The following QRSL1 variants were observed in gnomAD, a reference collection of about 807,000 sequenced individuals.
QRSL1 encodes glutamyl-tRNA(Gln) amidotransferase subunit A, mitochondrial.
In QRSL1, 54 loss-of-function variants were observed where a neutral mutation model predicts 61.6. The ratio of observed to expected loss-of-function variants is 0.88; its 90% confidence interval spans 0.70 to 1.10. The LOEUF is 1.10. Ranked by LOEUF, QRSL1 falls within the 50% of genes least tolerant of loss-of-function variation. QRSL1 has a pLI of 0.00. For missense variants in QRSL1, 505 were observed against 622.6 expected (o/e 0.81, Z 2.01); for synonymous variants, 228 against 225.7 (o/e 1.01, Z -0.09).
In QRSL1 at chr6:106,629,811, G is replaced by T. The variant is rs748441740; in HGVS notation, c.24+106G>T. Reference sequence around the variant, plus strand: ...ACCACGCATCTTGGCCCACCTCGCTGCTTCCTCTAGAACTGAGTGGGGGAT... The same window carrying T: ...ACCACGCATCTTGGCCCACCTCGCTTCTTCCTCTAGAACTGAGTGGGGGAT... On this transcript the variant is annotated intron_variant, in intron 1 of 10. Transcript: ENST00000369046. 101 of 1,379,034 alleles carry T rather than the reference G, an allele frequency of 7.3e-5. 1 individual carries two copies. The highest frequency in any genetic ancestry group is 9.2e-5 in the Non-Finnish European group (92 of 995,214). The allele number at this position is 1,379,034 out of a possible 1,614,324, so 85.4% of individuals were successfully genotyped here. A position where few individuals can be genotyped will look rare whatever the true frequency, so the allele number is the denominator to read the frequency against.
intron 5 of QRSL1, 133 bp from the exon 6 acceptor site, chr6:106,652,076 T>C (rs568786890): frequency 1.1e-6 from 1 of 885,672 alleles, no homozygotes; most frequent in Non-Finnish European, 1.7e-6. Flanking sequence ...TTATGAATTC[T>C]CTGAGATGAA....
chr6:106,650,329 ATTTTGT>A lies in QRSL1; in HGVS notation c.557+1129_557+1134del, dbSNP rs1305765101. 1.3e-4 allele frequency among the ~76,000 whole-genome samples: 20 copies of A among 152,328 alleles called. No individual in the cohort carries two copies. In the East Asian group the frequency reaches 3.7e-3, roughly 28 times the overall value. ...TTAAAATTGTGAAAGCAACAGTCTG[ATTTTGT>A]AGCTTAACTTGACACTGTAAGAAAG... On this transcript the variant is annotated intron_variant, in intron 5 of 10. Coordinates refer to ENST00000369046, the MANE Select transcript of QRSL1 (RefSeq NM_018292.5).
In QRSL1 at chr6:106,651,761, T is replaced by C. The variant is rs552243570; in HGVS notation, c.558-448T>C. ...CTGCAAAATTGCCATTAATTTGATT[T>C]GTTTTCAATATCAACATCAGAAGAA... On this transcript the variant is annotated intron_variant, in intron 5 of 10. Coordinates refer to ENST00000369046, the MANE Select transcript of QRSL1 (RefSeq NM_018292.5). Among the ~76,000 whole-genome samples, 18 of 152,338 alleles carry C rather than the reference T, an allele frequency of 1.2e-4. No homozygotes were observed. In the East Asian group the frequency reaches 3.1e-3, roughly 26 times the overall value.
At position 106,629,658 on chromosome 6, in the gene QRSL1, G is replaced by A. The variant is rs778418291; in HGVS notation, c.-24G>A. 38 of 1,600,222 alleles carry A rather than the reference G, an allele frequency of 2.4e-5. No individual in the cohort carries two copies. Among genetic ancestry groups the A allele is most frequent in the Non-Finnish European group, 3.2e-5 (38 of 1,174,236 alleles). ...TTTTTCCCCCTTGCCTGGCTCCTGT[G>A]GTGGCAGGCTGGGCACGAGGACCAT... On this transcript the variant is annotated 5_prime_UTR_variant, in exon 1 of 11. Transcript: ENST00000369046.
At chr6:106,656,890 C>T (rs150441783) in intron 9 of QRSL1, among the ~76,000 whole-genome samples, 16 of 152,294 alleles carry the variant, frequency 1.1e-4, no homozygotes, top group African/African-American at 3.6e-4. Flanking sequence ...CTCCTGGGTT[C>T]GAGCAATCCA....
chr6:106,633,696 G>A (rs981703783), intron 1 of QRSL1, among the ~76,000 whole-genome samples: 3 of 152,162 alleles, frequency 2.0e-5, no homozygotes. Flanking sequence ...GAGGCACCAG[G>A]CTAATATTAT....
At chr6:106,635,728 C>T (rs1232262750) in intron 1 of QRSL1, among the ~76,000 whole-genome samples, 2 of 151,978 alleles carry the variant, frequency 1.3e-5, no homozygotes, top group African/African-American at 4.8e-5. Flanking sequence ...CAAAAATTAT[C>T]CAGGTGGTGG....
intron 9 of QRSL1, 92 bp from the exon 10 acceptor site, chr6:106,662,888 C>A: frequency 8.8e-7 from 1 of 1,130,810 alleles, no homozygotes; most frequent in Non-Finnish European, 1.3e-6. Context: ...AAATGGAAAT[C>A]CAATGGTTCT....
chr6:106,643,876 C>CT lies in QRSL1; in HGVS notation c.380+798dup, dbSNP rs796253115. Among the ~76,000 whole-genome samples the CT allele has an allele frequency of 9.3e-3, 1,332 of 142,496 alleles. 21 individuals are homozygous for CT. The highest frequency in any genetic ancestry group is 0.029 in the African/African-American group (1,147 of 39,098). 93.5% of individuals were successfully genotyped at this position (142,496 alleles called of 152,430 possible). On this transcript the variant is annotated intron_variant, in intron 4 of 10. Coordinates refer to ENST00000369046, the MANE Select transcript of QRSL1 (RefSeq NM_018292.5). ...TTTTCTTTTTTCTCTTCTTTTCATT[C>CT]TTTTTTTTTTTTGAGACAGAGTTTT... is the stretch of plus-strand genomic sequence containing the variant.
At chr6:106,647,579 G>A (rs1397565699) in intron 4 of QRSL1, among the ~76,000 whole-genome samples, 2 of 131,986 alleles carry the variant, frequency 1.5e-5, no homozygotes, top group African/African-American at 5.4e-5. Flanking sequence ...AAAAGAGAGA[G>A]ACAATGATAA....
intron 4 of QRSL1, 22 bp downstream of exon 4, chr6:106,643,112 T>C: frequency 6.8e-7 from 1 of 1,477,358 alleles, no homozygotes; most frequent in East Asian, 2.3e-5. Flanking sequence ...TGAAATCTTC[T>C]CTTGAGTTTC....
At chr6:106,647,857 A>G (rs933700371) in intron 4 of QRSL1, among the ~76,000 whole-genome samples, 2 of 149,188 alleles carry the variant, frequency 1.3e-5, no homozygotes, top group Non-Finnish European at 3.0e-5. Context: ...TCACCGTGTT[A>G]TCCAGGATGG....
At chr6:106,651,096 A>T (rs541302727) in intron 5 of QRSL1, among the ~76,000 whole-genome samples, 1 of 152,160 alleles carries the variant, frequency 6.6e-6, no homozygotes, top group Non-Finnish European at 1.5e-5. Flanking sequence ...AGCCCTGGTA[A>T]CCACCTTCTA....
chr6:106,632,109 A>G (rs999943414), intron 1 of QRSL1, among the ~76,000 whole-genome samples: 1 of 152,160 alleles, frequency 6.6e-6, no homozygotes, highest in East Asian at 1.9e-4. Context: ...AATGCCCTCC[A>G]GTTCCATCCA....
chr6:106,636,165 T>C (rs1321267737), intron 1 of QRSL1, among the ~76,000 whole-genome samples: 1 of 152,064 alleles, frequency 6.6e-6, no homozygotes, highest in Non-Finnish European at 1.5e-5. Flanking sequence ...ATAGTGCACA[T>C]AGAGTACTCC....
At chr6:106,646,657 CAG>C (rs1777109813) in intron 4 of QRSL1, among the ~76,000 whole-genome samples, 1 of 149,026 alleles carries the variant, frequency 6.7e-6, no homozygotes, top group Admixed American at 6.7e-5. Flanking sequence ...TTAAAAAAAA[CAG>C]GGAAAAGTAT....
At chr6:106,644,364 C>T (rs1777074841) in intron 4 of QRSL1, among the ~76,000 whole-genome samples, 1 of 152,124 alleles carries the variant, frequency 6.6e-6, no homozygotes, top group Non-Finnish European at 1.5e-5. Flanking sequence ...ATCTGTGTTA[C>T]CCAGGCTGGT....
intron 1 of QRSL1, among the ~76,000 whole-genome samples, chr6:106,636,994 A>G (rs112781216): frequency 1.6e-4 from 25 of 152,238 alleles, no homozygotes; most frequent in Non-Finnish European, 2.2e-4. Context: ...AAGTCAGGGC[A>G]TGGAGTAGCT....
chr6:106,651,417 TAAA>T (rs1777186627), intron 5 of QRSL1, among the ~76,000 whole-genome samples: 1 of 152,190 alleles, frequency 6.6e-6, no homozygotes, highest in South Asian at 2.1e-4. Flanking sequence ...ACTGAAACTT[TAAA>T]ACACAATCTG....
Sources: allele counts gnomAD v4.1 joint callset (sites outside exome capture counted in the v4.1 genomes callset), GRCh38; gene constraint gnomAD v4.1.1; transcripts MANE v1.5; gene names NCBI Gene and HGNC (gene_info 2026-07-23, HGNC 2026-07-21).